STEAP1B: variants seen among roughly 807,000 people sequenced by gnomAD.
STEAP1B encodes STEAP family protein MGC87042.
Under a neutral mutation model 27.9 loss-of-function variants are expected in STEAP1B, and 13 were observed. That is an observed-to-expected ratio of 0.47 (90% CI 0.30 to 0.74). STEAP1B has a LOEUF of 0.74. Among genes scored for constraint, STEAP1B ranks in the 30% least tolerant of loss-of-function variants. The pLI, the probability that STEAP1B is intolerant of heterozygous loss-of-function variation, is 0.06. For synonymous variants in STEAP1B, 86 were observed against 107.1 expected (o/e 0.80, Z 1.22); for missense variants, 250 against 298.7 (o/e 0.84, Z 1.20).
chr7:22,492,332 A>AAAAAAAAAAAC, intron 4 of STEAP1B: 1 of 275,650 alleles, frequency 3.6e-6, no homozygotes, highest in Admixed American at 6.1e-5. Context: ...AAAAAAAAAA[A>AAAAAAAAAAAC]AAAAAAAAAA....
intron 4 of STEAP1B, among the ~76,000 whole-genome samples, chr7:22,421,858 G>A (rs1423470674): frequency 6.6e-6 from 1 of 152,160 alleles, no homozygotes; most frequent in African/African-American, 2.4e-5. Context: ...TAAAACCGAG[G>A]TGAGGACCTC....
At chr7:22,429,443 T>C (rs1028171021) in intron 4 of STEAP1B, among the ~76,000 whole-genome samples, 7 of 152,206 alleles carry the variant, frequency 4.6e-5, no homozygotes, top group African/African-American at 1.7e-4. Flanking sequence ...TTTACAGTAA[T>C]CTTCTATTAT....
chr7:22,496,428 G>A (rs1786442601), intron 1 of STEAP1B, among the ~76,000 whole-genome samples: 2 of 152,092 alleles, frequency 1.3e-5, no homozygotes, highest in African/African-American at 4.8e-5. Context: ...GTCTATAGTA[G>A]TGTACAGTAA....
At chr7:22,465,549 AT>A (rs1323558721) in intron 4 of STEAP1B, among the ~76,000 whole-genome samples, 1 of 151,716 alleles carries the variant, frequency 6.6e-6, no homozygotes, top group African/African-American at 2.4e-5. Context: ...ACTACAACTT[AT>A]TTTCAATTTC....
At chr7:22,459,915 A>G (rs914411128) in intron 4 of STEAP1B, among the ~76,000 whole-genome samples, 14 of 152,136 alleles carry the variant, frequency 9.2e-5, no homozygotes, top group African/African-American at 2.9e-4. Flanking sequence ...TCATTATCCA[A>G]TTTCCCACCA....
intron 4 of STEAP1B, among the ~76,000 whole-genome samples, chr7:22,433,959 T>A (rs1435938327): frequency 6.6e-6 from 1 of 152,108 alleles, no homozygotes; most frequent in African/African-American, 2.4e-5. Context: ...GGCACCTACA[T>A]CCATTGGACC....
intron 4 of STEAP1B, among the ~76,000 whole-genome samples, chr7:22,484,009 G>A (rs538624069): frequency 6.6e-6 from 1 of 152,334 alleles, no homozygotes; most frequent in Admixed American, 6.5e-5. Context: ...TGAGAGAGGT[G>A]AGGAAGCTGC....
At chr7:22,431,801 T>C (rs1295945010) in intron 4 of STEAP1B, among the ~76,000 whole-genome samples, 2 of 152,194 alleles carry the variant, frequency 1.3e-5, no homozygotes, top group Admixed American at 6.5e-5. Context: ...GCTGTGTTCC[T>C]CTAGAAGGGC....
At chr7:22,458,041 A>C (rs1785616751) in intron 4 of STEAP1B, among the ~76,000 whole-genome samples, 1 of 152,226 alleles carries the variant, frequency 6.6e-6, no homozygotes, top group African/African-American at 2.4e-5. Context: ...GAGCCATTCC[A>C]ATAAGTTGTT....
At chr7:22,482,638 G>T (rs116346918) in intron 4 of STEAP1B, among the ~76,000 whole-genome samples, 12 of 152,300 alleles carry the variant, frequency 7.9e-5, no homozygotes, top group African/African-American at 1.2e-4. Context: ...AGGCACATAG[G>T]GGGAGGCAGA....
Position 22,492,617 on chromosome 7 carries a change from G to C in STEAP1B, c.710C>G (p.Ser237Cys). 6.2e-7 allele frequency: 1 copy of C among 1,613,496 alleles called. No homozygotes were observed. The highest frequency in any genetic ancestry group is 8.5e-7 in the Non-Finnish European group (1 of 1,179,698). Residue 237 changes from serine to cysteine, a missense_variant, in exon 4 of 5, where the codon TCT becomes TGT. By Grantham distance (112) the Ser-to-Cys change is moderately radical (BLOSUM62 -1). Transcript: ENST00000678116. ...LAILALLAVT[S>C]IPSVSDSLTW... ...CAAAGAGTCACTCACAGATGGAATAGATGTCACAGCCAACAGAGCCAGTAT... is the reference window on the plus strand; with the variant it reads ...CAAAGAGTCACTCACAGATGGAATACATGTCACAGCCAACAGAGCCAGTAT...
rs186896809 is a variant in STEAP1B, at chr7:22,452,731, C to T, written c.763-32895G>A. On this transcript the variant is annotated intron_variant, in intron 4 of 4. Transcript: ENST00000678116. ...GAGTAAGCAGGAACTACATGGTTCC[C>T]TTGCAGTGATGCCCAGGGCTGAGAA... Among the ~76,000 whole-genome samples, 13 of 152,262 alleles carry T rather than the reference C, an allele frequency of 8.5e-5. 1 individual carries two copies. The East Asian group carries it at 2.5e-3, about 29-fold the overall frequency.
Position 22,438,700 on chromosome 7 carries a change from G to C in STEAP1B, c.763-18864C>G, listed in dbSNP as rs1326415789. 12 of 1,551,704 alleles carry C rather than the reference G, an allele frequency of 7.7e-6. No homozygotes were observed. In the South Asian group the frequency reaches 1.4e-4, roughly 18 times the overall value. On this transcript the variant is annotated intron_variant, in intron 4 of 4. Coordinates refer to ENST00000678116, the MANE Select transcript of STEAP1B (RefSeq NM_001382447.1). ...TGGTGTGCCTACCAGTTGTGTCTTG[G>C]CCAGTTTAGTGGCCTGAAAGTTGCA... is the stretch of plus-strand genomic sequence containing the variant.
chr7:22,429,022 C>T (rs558332603), intron 4 of STEAP1B, among the ~76,000 whole-genome samples: 40 of 152,216 alleles, frequency 2.6e-4, no homozygotes, highest in African/African-American at 9.6e-4. Context: ...TTTGATCTGA[C>T]AGTATGAAGG....
chr7:22,431,355 C>G (rs1785184791), intron 4 of STEAP1B, among the ~76,000 whole-genome samples: 1 of 152,202 alleles, frequency 6.6e-6, no homozygotes, highest in Non-Finnish European at 1.5e-5. Flanking sequence ...AAAAAAAAAT[C>G]TCTCTCCCAA....
intron 4 of STEAP1B, among the ~76,000 whole-genome samples, chr7:22,448,948 G>A (rs954141507): frequency 6.6e-6 from 1 of 152,154 alleles, no homozygotes; most frequent in Non-Finnish European, 1.5e-5. Context: ...ATCTGGTAGG[G>A]ACTAGGTAAG....
chr7:22,427,511 G>A (rs1314330692), intron 4 of STEAP1B, among the ~76,000 whole-genome samples: 1 of 152,178 alleles, frequency 6.6e-6, no homozygotes, highest in African/African-American at 2.4e-5. Flanking sequence ...AATTGGTGGA[G>A]GTCCCTAGTT....
At chr7:22,434,949 T>A (rs1269675931) in intron 4 of STEAP1B, among the ~76,000 whole-genome samples, 1 of 152,206 alleles carries the variant, frequency 6.6e-6, no homozygotes, top group African/African-American at 2.4e-5. Flanking sequence ...TCTAAATCTA[T>A]GCTGTCCAGT....
intron 4 of STEAP1B, among the ~76,000 whole-genome samples, chr7:22,468,483 G>A (rs1270455250): frequency 6.6e-6 from 1 of 152,038 alleles, no homozygotes; most frequent in African/African-American, 2.4e-5. Context: ...AAAATCATTT[G>A]GCAGCTTTTT....
Sources: gnomAD v4.1 joint callset for allele counts (sites outside exome capture counted in the v4.1 genomes callset) on GRCh38, gnomAD v4.1.1 for gene constraint, MANE v1.5 for transcripts, NCBI Gene and HGNC (gene_info 2026-07-23, HGNC 2026-07-21) for gene names.